Variants in ALK observed in about 807,000 individuals in gnomAD.
ALK encodes ALK receptor tyrosine kinase.
Under a neutral mutation model 163.1 loss-of-function variants are expected in ALK, and 74 were observed. The observed-to-expected ratio is 0.45, with a 90% confidence interval of 0.38 to 0.55. The LOEUF is 0.55. Among genes scored for constraint, ALK ranks in the 20% least tolerant of loss-of-function variants. ALK has a pLI of 0.00. For missense variants in ALK, 2,063 were observed against 2,105.3 expected (o/e 0.98, Z 0.39); for synonymous variants, 960 against 843.2 (o/e 1.14, Z -2.40).
At chr2:29,719,832 G>A (rs528024877) in intron 1 of ALK, among the ~76,000 whole-genome samples, 6 of 152,146 alleles carry the variant, frequency 3.9e-5, no homozygotes, top group African/African-American at 1.2e-4. Context: ...GGGCCCCCAC[G>A]ACACAATGGC....
rs114517262 is a variant in ALK, at chr2:29,691,626, T to A, written c.952+3224A>T. 9.6e-3 allele frequency among the ~76,000 whole-genome samples: 1,469 copies of A among 152,290 alleles called. 22 individuals are homozygous for A. Among genetic ancestry groups the A allele is most frequent in the African/African-American group, 0.033 (1,371 of 41,560 alleles). On this transcript the variant is annotated intron_variant, in intron 3 of 28. Transcript: ENST00000389048. ...TCCAGCTTCATAAAAACTAAAGGCA[T>A]TGATATGTTTCCATGCTAAAGAATG...
rs1274438170 is a variant in ALK at position 29,717,540 on chromosome 2, G to A, written c.787+38C>T. ...CACAGAGTCCTTATTATGAGATAGT[G>A]ACAGTGTATCTCAAGTAAATATTAA... On this transcript the variant is annotated intron_variant, in intron 2 of 28. Transcript: ENST00000389048. 2.5e-6 allele frequency: 4 copies of A among 1,610,282 alleles called. No homozygotes were observed. In the African/African-American group the frequency reaches 5.3e-5, roughly 22 times the overall value.
intron 5 of ALK, among the ~76,000 whole-genome samples, chr2:29,344,002 ATC>A (rs1054100002): frequency 3.9e-5 from 6 of 152,114 alleles, no homozygotes; most frequent in Non-Finnish European, 5.9e-5. Flanking sequence ...GATGGGAAAA[ATC>A]TCTGAGGACA....
chr2:29,194,046 A>G (rs1200653340), intron 28 of ALK, 124 bp from the exon 29 acceptor site: 2 of 976,900 alleles, frequency 2.0e-6, no homozygotes, highest in African/African-American at 3.2e-5. Flanking sequence ...TTTATTGAGA[A>G]TATAGTAACT....
intron 4 of ALK, among the ~76,000 whole-genome samples, chr2:29,430,375 T>C (rs1670244245): frequency 6.6e-6 from 1 of 152,126 alleles, no homozygotes; most frequent in Non-Finnish European, 1.5e-5. Context: ...ACTAAAAATA[T>C]ACAAAGGATG....
At chr2:29,617,692 C>A (rs1371091307) in intron 3 of ALK, among the ~76,000 whole-genome samples, 1 of 152,160 alleles carries the variant, frequency 6.6e-6, no homozygotes, top group Admixed American at 6.5e-5. Flanking sequence ...AGCTATGAAA[C>A]CCCACTTGTC....
intron 3 of ALK, among the ~76,000 whole-genome samples, chr2:29,540,998 T>C (rs4666244): frequency 0.42 from 63,871 of 151,854 alleles, 14,239 homozygotes; most frequent in East Asian, 0.65. Flanking sequence ...AAAAAAGTAG[T>C]TTATAGACTA....
intron 1 of ALK, among the ~76,000 whole-genome samples, chr2:29,895,090 T>C (rs1667235898): frequency 6.6e-6 from 1 of 152,238 alleles, no homozygotes; most frequent in African/African-American, 2.4e-5. Context: ...ATAATGTGTT[T>C]TTGAATCAGG....
chr2:29,230,169 C>A (rs1664154823), intron 15 of ALK, among the ~76,000 whole-genome samples: 1 of 151,902 alleles, frequency 6.6e-6, no homozygotes, highest in South Asian at 2.1e-4. Flanking sequence ...TTTGCACATT[C>A]TCCTATAAAA....
intron 1 of ALK, among the ~76,000 whole-genome samples, chr2:29,871,320 T>C (rs775254192): frequency 5.9e-5 from 9 of 152,180 alleles, no homozygotes; most frequent in Non-Finnish European, 1.0e-4. Flanking sequence ...AATAGAGCCA[T>C]GCAATCATCC....
chr2:29,597,001 TG>T (rs1675234766), intron 3 of ALK, among the ~76,000 whole-genome samples: 1 of 152,244 alleles, frequency 6.6e-6, no homozygotes, highest in Non-Finnish European at 1.5e-5. Flanking sequence ...TCTCGGCTGC[TG>T]GGTCTTTAGT....
At chr2:29,202,679 C>T (rs1476565301) in intron 26 of ALK, among the ~76,000 whole-genome samples, 3 of 152,202 alleles carry the variant, frequency 2.0e-5, no homozygotes, top group Non-Finnish European at 4.4e-5. Context: ...CCCCACTGAA[C>T]ACTGTTTTTG....
intron 1 of ALK, among the ~76,000 whole-genome samples, chr2:29,749,331 T>TC (rs371174453): frequency 2.0e-4 from 31 of 152,254 alleles, no homozygotes; most frequent in African/African-American, 6.5e-4. Flanking sequence ...CTTTTAAAAA[T>TC]CACCAGAGGA....
At chr2:29,301,871 G>A (rs1039290187) in intron 8 of ALK, among the ~76,000 whole-genome samples, 1 of 152,144 alleles carries the variant, frequency 6.6e-6, no homozygotes, top group Non-Finnish European at 1.5e-5. Context: ...GGCATCCTTA[G>A]CCTTCTGAGG....
At chr2:29,875,123 T>C (rs1666670707) in intron 1 of ALK, among the ~76,000 whole-genome samples, 1 of 152,110 alleles carries the variant, frequency 6.6e-6, no homozygotes, top group Non-Finnish European at 1.5e-5. Context: ...CAAATGACCA[T>C]CAATAGATGA....
At chr2:29,457,456 G>T (rs11696065) in intron 4 of ALK, among the ~76,000 whole-genome samples, 79,684 of 151,948 alleles carry the variant, frequency 0.52, 21,574 homozygotes, top group South Asian at 0.62. Context: ...CAGATCATTT[G>T]CAGTGCATCT....
chr2:29,755,726 G>A (rs913406543), intron 1 of ALK, among the ~76,000 whole-genome samples: 2 of 152,094 alleles, frequency 1.3e-5, no homozygotes, highest in Non-Finnish European at 2.9e-5. Flanking sequence ...GGGAGATTGA[G>A]GCTCATAGAG....
At chr2:29,241,010 C>G (rs1423822286) in intron 12 of ALK, among the ~76,000 whole-genome samples, 1 of 152,202 alleles carries the variant, frequency 6.6e-6, no homozygotes, top group Non-Finnish European at 1.5e-5. Flanking sequence ...AAGGCAGAGC[C>G]CACGGCCCTT....
chr2:29,866,652 T>A (rs1471031034), intron 1 of ALK, among the ~76,000 whole-genome samples: 1 of 152,254 alleles, frequency 6.6e-6, no homozygotes, highest in Non-Finnish European at 1.5e-5. Context: ...TACCAGAGAC[T>A]GGCAGTGACT....
Sources: allele counts gnomAD v4.1 joint callset (sites outside exome capture counted in the v4.1 genomes callset), GRCh38; gene constraint gnomAD v4.1.1; transcripts MANE v1.5; gene names NCBI Gene and HGNC (gene_info 2026-07-23, HGNC 2026-07-21).